EHBP1: variants seen among roughly 807,000 people sequenced by gnomAD.
EHBP1 encodes the protein EH domain-binding protein 1.
EHBP1 carries 55 observed loss-of-function variants against 144.0 expected under a neutral mutation model. The ratio of observed to expected loss-of-function variants is 0.38; its 90% CI spans 0.31 to 0.48. EHBP1 has a LOEUF of 0.48. Ranked by LOEUF, EHBP1 falls within the 20% of genes least tolerant of loss-of-function variation. EHBP1 has a pLI of 0.98. For synonymous variants in EHBP1, 469 were observed against 472.7 expected (o/e 0.99, Z 0.10); for missense variants, 1,200 against 1,364.2 (o/e 0.88, Z 1.90).
chr2:62,835,395 G>T (rs923226962), intron 7 of EHBP1, among the ~76,000 whole-genome samples: 1 of 151,900 alleles, frequency 6.6e-6, no homozygotes, highest in East Asian at 1.9e-4. Context: ...TTTCATTTTA[G>T]GCTGGTATTC....
chr2:63,037,076 G>A (rs2061468727), intron 19 of EHBP1, among the ~76,000 whole-genome samples: 1 of 151,882 alleles, frequency 6.6e-6, no homozygotes, highest in Non-Finnish European at 1.5e-5. Context: ...TACTTTTGGG[G>A]AGGAAAATAA....
intron 10 of EHBP1, among the ~76,000 whole-genome samples, chr2:62,901,586 AATG>A (rs1212741824): frequency 6.6e-6 from 1 of 152,164 alleles, no homozygotes; most frequent in Non-Finnish European, 1.5e-5. Flanking sequence ...GCCAAAATCT[AATG>A]ATGATAACAG....
At chr2:62,909,656 C>T (rs1266845824) in intron 10 of EHBP1, among the ~76,000 whole-genome samples, 2 of 152,156 alleles carry the variant, frequency 1.3e-5, no homozygotes, top group African/African-American at 4.8e-5. Context: ...GACCTGGTTC[C>T]CCAGCTGTAT....
At chr2:62,978,864 G>A (rs2058832773) in intron 14 of EHBP1, among the ~76,000 whole-genome samples, 1 of 152,056 alleles carries the variant, frequency 6.6e-6, no homozygotes. Flanking sequence ...TTAAAATTCT[G>A]TTCAGTATTG....
intron 3 of EHBP1, among the ~76,000 whole-genome samples, chr2:62,757,819 A>T (rs1218267595): frequency 6.6e-6 from 1 of 151,984 alleles, no homozygotes; most frequent in Non-Finnish European, 1.5e-5. Flanking sequence ...TATTTTTAAA[A>T]ATTTAGAATT....
chr2:62,859,103 A>G, intron 7 of EHBP1, 66 bp from the exon 8 acceptor site: 1 of 1,430,006 alleles, frequency 7.0e-7, no homozygotes, highest in East Asian at 2.3e-5. Flanking sequence ...CATTTGAAAT[A>G]TTTCACGAAT....
At chr2:63,022,299 T>TTCCTCC (rs1037080351) in intron 19 of EHBP1, among the ~76,000 whole-genome samples, 1 of 151,820 alleles carries the variant, frequency 6.6e-6, no homozygotes, top group African/African-American at 2.4e-5. Context: ...TCTTTCCTCC[T>TTCCTCC]TCCTCCTCCT....
Position 62,996,728 on chromosome 2 carries a change from C to T in EHBP1, c.3065C>T (p.Ala1022Val), listed in dbSNP as rs1253479615. The change falls in exon 19 of 23, where the codon GCG (alanine) becomes GTG (valine). Residue 1022 changes from alanine (A) to valine (V), a missense_variant. Ala to Val is a moderately conservative substitution (Grantham distance 64). Transcript: ENST00000431489. ...NEQKQIDTRA[A>V]LVEKRLRYLM... ...CAAAAGCAAATTGACACCCGTGCCGCGCTGGTGGAGAAGCGCCTTCGCTAT... is the reference window on the plus strand; with the variant it reads ...CAAAAGCAAATTGACACCCGTGCCGTGCTGGTGGAGAAGCGCCTTCGCTAT... 1.2e-6 allele frequency: 2 copies of T among 1,612,966 alleles called. No homozygotes were observed. The highest frequency in any genetic ancestry group is 8.5e-7 in the Non-Finnish European group (1 of 1,179,510).
intron 10 of EHBP1, among the ~76,000 whole-genome samples, chr2:62,920,960 C>T (rs560469133): frequency 1.4e-4 from 21 of 152,162 alleles, no homozygotes; most frequent in South Asian, 2.1e-4. Context: ...TGAGCCACTG[C>T]GCCTGGCCTG....
chr2:63,017,616 C>A (rs968200189), intron 19 of EHBP1, among the ~76,000 whole-genome samples: 3 of 152,034 alleles, frequency 2.0e-5, no homozygotes, highest in Non-Finnish European at 4.4e-5. Context: ...TTTATATAAT[C>A]TTTTTAATAC....
intron 10 of EHBP1, among the ~76,000 whole-genome samples, chr2:62,877,567 C>T (rs2050998876): frequency 6.6e-6 from 1 of 152,206 alleles, no homozygotes. Context: ...GCACATGGTA[C>T]ATACTCCAAA....
chr2:62,712,922 C>A (rs2035294690), intron 2 of EHBP1, among the ~76,000 whole-genome samples: 1 of 152,126 alleles, frequency 6.6e-6, no homozygotes, highest in Non-Finnish European at 1.5e-5. Context: ...TAATATACTG[C>A]ATACATGAAA....
At chr2:62,845,001 C>A (rs572823525) in intron 7 of EHBP1, among the ~76,000 whole-genome samples, 1 of 152,242 alleles carries the variant, frequency 6.6e-6, no homozygotes, top group African/African-American at 2.4e-5. Flanking sequence ...CACCAAATGA[C>A]AACTTGGGTA....
intron 7 of EHBP1, among the ~76,000 whole-genome samples, chr2:62,840,926 G>C (rs1281508494): frequency 1.3e-5 from 2 of 152,184 alleles, no homozygotes; most frequent in African/African-American, 2.4e-5. Flanking sequence ...GTGGAAGTCA[G>C]TGTGGTGATT....
intron 5 of EHBP1, among the ~76,000 whole-genome samples, chr2:62,808,064 AAAAG>A (rs1307724132): frequency 2.6e-5 from 4 of 151,702 alleles, no homozygotes; most frequent in African/African-American, 4.8e-5. Context: ...AAAAAAAAAA[AAAAG>A]AAAGAAAAGT....
At chr2:62,702,422 C>T (rs1196409330), upstream of EHBP1, among the ~76,000 whole-genome samples, 1 of 152,098 alleles carries the variant, frequency 6.6e-6, no homozygotes, top group African/African-American at 2.4e-5. Flanking sequence ...GGGGCAGACA[C>T]AGTGGGCAAT....
At position 63,037,589 on chromosome 2, in the gene EHBP1, A is replaced by G; in HGVS notation, c.3158A>G (p.Asn1053Ser). ...AMMQEWFMLVNKKNALIRRMN... is the reference protein window; with the variant it reads ...AMMQEWFMLVSKKNALIRRMN... ...ATGCAGGAATGGTTTATGTTAGTTA[A>G]TAAGAAAAATGCCTTAATAAGGAGA... The change falls in exon 20 of 23, where the codon AAT (asparagine) becomes AGT (serine). Residue 1053 changes from asparagine (N) to serine (S), a missense_variant. Transcript: ENST00000431489. The G allele has an allele frequency of 1.2e-6, 2 of 1,606,092 alleles. No homozygotes were observed. Among genetic ancestry groups the G allele is most frequent in the Non-Finnish European group, 1.7e-6 (2 of 1,175,860 alleles).
At position 62,719,742 on chromosome 2, in the gene EHBP1, A is replaced by G. The variant is rs539984646; in HGVS notation, c.104+12447A>G. Among the ~76,000 whole-genome samples the G allele has an allele frequency of 9.8e-5, 15 of 152,344 alleles. No homozygotes were observed. In the East Asian group the frequency reaches 2.5e-3, roughly 25 times the overall value. Reference sequence around the variant, plus strand: ...ACATAGCATTTACATTGTATTAGATATTATAAGTAATTTAGAGATGACTTT... The same window carrying G: ...ACATAGCATTTACATTGTATTAGATGTTATAAGTAATTTAGAGATGACTTT... On this transcript the variant is annotated intron_variant, in intron 2 of 22. Transcript: ENST00000431489.
chr2:62,948,523 G>A lies in EHBP1; in HGVS notation c.1677G>A (p.Glu559=), dbSNP rs757026870. ...CAGAGCTTAGTGATCTGAAGCGGGA[G>A]CCTGAACTACAACAGCCTATCAGCG... The part of the protein sequence containing the change: ...FYAELSDLKR[E]PELQQPISGA... The change falls in exon 13 of 23, where the codon GAG becomes GAA. Residue 559 remains glutamate, a synonymous_variant. Transcript: ENST00000431489. 4.3e-6 allele frequency: 7 copies of A among 1,613,976 alleles called. No individual in the cohort carries two copies. The South Asian group carries it at 6.6e-5, about 15-fold the overall frequency.
Sources: allele counts gnomAD v4.1 joint callset (sites outside exome capture counted in the v4.1 genomes callset), GRCh38; gene constraint gnomAD v4.1.1; transcripts MANE v1.5; gene names NCBI Gene and HGNC (gene_info 2026-07-23, HGNC 2026-07-21).